NCALD: variants seen among roughly 807,000 people sequenced by gnomAD.
NCALD encodes the protein neurocalcin delta, also known as neurocalcin-delta.
In NCALD, 10 loss-of-function variants were observed where a neutral mutation model predicts 18.6. The observed-to-expected ratio is 0.54, with a 90% CI of 0.33 to 0.91. The LOEUF (loss-of-function observed/expected upper bound fraction) is 0.91, where lower values mean the gene tolerates loss of function less well. Ranked by LOEUF, NCALD falls within the 40% of genes least tolerant of loss-of-function variation. The pLI is 0.03. For missense variants in NCALD, 184 were observed against 247.6 expected (o/e 0.74, Z 1.72); for synonymous variants, 88 against 87.4 (o/e 1.01, Z -0.04).
chr8:101,691,712 A>C (rs1251416913), intron 3 of NCALD: 2 of 985,306 alleles, frequency 2.0e-6, no homozygotes, highest in Non-Finnish European at 2.4e-6. Context: ...ACAAGCAAGC[A>C]GACAGGCCCA....
At chr8:102,106,466 T>TATATATATATAC (rs1554598545) in intron 1 of NCALD, among the ~76,000 whole-genome samples, 13 of 139,104 alleles carry the variant, frequency 9.3e-5, no homozygotes, top group South Asian at 4.5e-4. Flanking sequence ...TATATATATA[T>TATATATATATAC]ACACACACAC....
intron 2 of NCALD, among the ~76,000 whole-genome samples, chr8:102,011,827 T>G (rs1821913536): frequency 6.6e-6 from 1 of 152,214 alleles, no homozygotes. Context: ...ATCCTTCCTG[T>G]TAGTTAAAGC....
chr8:101,767,649 G>T (rs919925853), intron 1 of NCALD, among the ~76,000 whole-genome samples: 1 of 152,214 alleles, frequency 6.6e-6, no homozygotes, highest in Admixed American at 6.5e-5. Flanking sequence ...ATGTTGAGAA[G>T]GTCATGATCC....
At chr8:101,998,690 T>C (rs1025168795) in intron 2 of NCALD, among the ~76,000 whole-genome samples, 9 of 152,166 alleles carry the variant, frequency 5.9e-5, no homozygotes, top group Admixed American at 1.3e-4. Flanking sequence ...CTGCTAGTTT[T>C]TGGGAGCCAG....
chr8:102,019,650 G>T (rs897313940), intron 2 of NCALD, among the ~76,000 whole-genome samples: 7 of 152,114 alleles, frequency 4.6e-5, no homozygotes, highest in African/African-American at 1.7e-4. Context: ...ATCGCAGAAA[G>T]ATTTTAGTCA....
chr8:101,961,035 T>C (rs1254527261), intron 2 of NCALD, among the ~76,000 whole-genome samples: 2 of 152,204 alleles, frequency 1.3e-5, no homozygotes, highest in Non-Finnish European at 2.9e-5. Flanking sequence ...ACATTTTGGC[T>C]TATTTAATCA....
intron 2 of NCALD, among the ~76,000 whole-genome samples, chr8:102,003,412 C>T (rs1821558991): frequency 6.6e-6 from 1 of 152,140 alleles, no homozygotes; most frequent in Admixed American, 6.5e-5. Context: ...AAAAAGATTC[C>T]AGGACCAGAT....
At chr8:101,701,749 C>T (rs1283952096) in intron 2 of NCALD, among the ~76,000 whole-genome samples, 3 of 152,156 alleles carry the variant, frequency 2.0e-5, no homozygotes, top group Non-Finnish European at 4.4e-5. Context: ...GGTGTTCTAA[C>T]AGGAAACCAG....
At chr8:101,770,084 T>A (rs1169827106) in intron 1 of NCALD, among the ~76,000 whole-genome samples, 1 of 152,218 alleles carries the variant, frequency 6.6e-6, no homozygotes, top group Non-Finnish European at 1.5e-5. Flanking sequence ...ATCATTATTA[T>A]TTGAATAAGC....
chr8:102,097,805 AG>A (rs1411645197), intron 1 of NCALD, among the ~76,000 whole-genome samples: 2 of 152,182 alleles, frequency 1.3e-5, no homozygotes, highest in Non-Finnish European at 2.9e-5. Context: ...GAAACTAAAC[AG>A]GCCATTATTT....
At chr8:101,758,938 A>G (rs73699937) in intron 1 of NCALD, among the ~76,000 whole-genome samples, 2 of 152,144 alleles carry the variant, frequency 1.3e-5, no homozygotes, top group African/African-American at 4.8e-5. Context: ...GAGCTCTTTT[A>G]CTACAAAGTA....
chr8:101,971,294 C>T (rs956914373), intron 2 of NCALD, among the ~76,000 whole-genome samples: 8 of 152,120 alleles, frequency 5.3e-5, no homozygotes, highest in African/African-American at 1.7e-4. Context: ...TTCCTTCTCT[C>T]AGACAGTAAA....
chr8:102,003,727 C>T lies in NCALD; in HGVS notation c.-157+16510G>A, dbSNP rs187412034. On this transcript the variant is annotated intron_variant, in intron 2 of 6. Transcript: ENST00000311028. ...TGGGATGCAAGACTGGTTCAACATACGCAAATCAATAAATGCAATCCAGCA... is the reference window on the plus strand; with the variant it reads ...TGGGATGCAAGACTGGTTCAACATATGCAAATCAATAAATGCAATCCAGCA... Among the ~76,000 whole-genome samples the T allele has an allele frequency of 3.2e-4, 49 of 152,282 alleles. No homozygotes were observed. The East Asian group carries it at 6.8e-3, about 21-fold the overall frequency.
intron 1 of NCALD, among the ~76,000 whole-genome samples, chr8:102,045,906 C>A (rs1371191487): frequency 6.6e-6 from 1 of 152,194 alleles, no homozygotes; most frequent in African/African-American, 2.4e-5. Context: ...ATCTCAAAGA[C>A]AAAGTTCACC....
chr8:102,078,437 C>A (rs1396373643), intron 1 of NCALD, among the ~76,000 whole-genome samples: 1 of 152,204 alleles, frequency 6.6e-6, no homozygotes, highest in Non-Finnish European at 1.5e-5. Context: ...CAACTTAAGA[C>A]CCTTCCAATC....
At chr8:101,854,259 G>A (rs478092) in intron 4 of NCALD, among the ~76,000 whole-genome samples, 57,712 of 151,976 alleles carry the variant, frequency 0.38, 13,582 homozygotes, top group African/African-American at 0.66. Flanking sequence ...TGCTGCCCTG[G>A]ACATGACTGT....
chr8:101,722,979 T>TTG (rs1386031003), intron 1 of NCALD, among the ~76,000 whole-genome samples: 5 of 152,198 alleles, frequency 3.3e-5, no homozygotes, highest in African/African-American at 4.8e-5. Context: ...TTAGGGGACA[T>TTG]TTGACAGAGT....
At chr8:101,860,575 A>G (rs1247390118) in intron 4 of NCALD, among the ~76,000 whole-genome samples, 1 of 152,204 alleles carries the variant, frequency 6.6e-6, no homozygotes, top group Non-Finnish European at 1.5e-5. Context: ...AAAAAGTTGT[A>G]CAAGAAAGGA....
intron 1 of NCALD, among the ~76,000 whole-genome samples, chr8:102,080,722 C>G (rs545253560): frequency 2.8e-4 from 43 of 152,274 alleles, no homozygotes; most frequent in Non-Finnish European, 5.4e-4. Context: ...GGGCTTGGGG[C>G]TCCCATAAAA....
Sources: gnomAD v4.1 joint callset for allele counts (sites outside exome capture counted in the v4.1 genomes callset) on GRCh38, gnomAD v4.1.1 for gene constraint, MANE v1.5 for transcripts, NCBI Gene and HGNC (gene_info 2026-07-23, HGNC 2026-07-21) for gene names.